The following AK9 variants were observed in gnomAD, a reference collection of about 807,000 sequenced individuals.
AK9 encodes the protein adenylate kinase domain containing 1.
A neutral mutation model predicts 239.6 loss-of-function variants in AK9; 191 were observed. The observed-to-expected ratio is 0.80, with a 90% confidence interval of 0.71 to 0.90. The LOEUF is 0.90. Ranked by LOEUF, AK9 falls within the 40% of genes least tolerant of loss-of-function variation. The pLI is 0.00. For synonymous variants in AK9, 689 were observed against 721.0 expected (o/e 0.96, Z 0.71); for missense variants, 1,995 against 2,214.7 (o/e 0.90, Z 1.99).
intron 5 of AK9, among the ~76,000 whole-genome samples, chr6:109,666,042 CAGA>C (rs1270427024): frequency 6.6e-6 from 1 of 152,144 alleles, no homozygotes; most frequent in African/African-American, 2.4e-5. Flanking sequence ...ATGGAAATGG[CAGA>C]AGAATAAGTA....
At chr6:109,650,011 C>T (rs1798684654) in intron 8 of AK9, among the ~76,000 whole-genome samples, 1 of 152,120 alleles carries the variant, frequency 6.6e-6, no homozygotes, top group Admixed American at 6.6e-5. Flanking sequence ...ATAAATGGTG[C>T]TGGGAAAACT....
chr6:109,650,502 C>A (rs200141168), intron 8 of AK9, among the ~76,000 whole-genome samples: 86,273 of 149,282 alleles, frequency 0.58, 26,608 homozygotes, highest in South Asian at 0.84. Flanking sequence ...ACTGGCCGTC[C>A]AAGAAATGCA....
chr6:109,599,409 G>T (rs1303693700), intron 17 of AK9, among the ~76,000 whole-genome samples: 12 of 152,012 alleles, frequency 7.9e-5, no homozygotes, highest in Admixed American at 7.9e-4. Context: ...ATTTCTGAGG[G>T]CTCTGTTCTG....
At chr6:109,533,499 T>C in intron 27 of AK9, 29 bp from the exon 28 acceptor site, 1 of 1,533,972 alleles carries the variant, frequency 6.5e-7, no homozygotes, top group South Asian at 1.3e-5. Flanking sequence ...ATTTACTTTA[T>C]TTCATTAAAA....
At chr6:109,649,455 G>C (rs1396306651) in intron 8 of AK9, among the ~76,000 whole-genome samples, 1 of 151,802 alleles carries the variant, frequency 6.6e-6, no homozygotes, top group Non-Finnish European at 1.5e-5. Flanking sequence ...ATAACAGAGA[G>C]CCAAATCATG....
chr6:109,538,663 T>G lies in AK9; in HGVS notation c.3350+3384A>C, dbSNP rs1235918653. Among the ~76,000 whole-genome samples the G allele has an allele frequency of 3.9e-5, 6 of 152,028 alleles. 1 individual carries two copies. Among genetic ancestry groups the G allele is most frequent in the African/African-American group, 1.5e-4 (6 of 41,270 alleles). ...TCCTGTCATTATGATATTAGCTGGT[T>G]ATTTTGCTCGTTAGTTGATGCAGTT... On this transcript the variant is annotated intron_variant, in intron 27 of 40. Transcript: ENST00000424296.
chr6:109,578,942 C>T (rs1788471934), intron 20 of AK9, among the ~76,000 whole-genome samples: 1 of 152,070 alleles, frequency 6.6e-6, no homozygotes. Context: ...TGTTTTGTGG[C>T]CTATTATGTG....
At chr6:109,680,827 C>A (rs937901639) in intron 1 of AK9, among the ~76,000 whole-genome samples, 1 of 152,130 alleles carries the variant, frequency 6.6e-6, no homozygotes, top group African/African-American at 2.4e-5. Flanking sequence ...GAATTTTCAA[C>A]GCAGAATTTC....
At position 109,610,396 on chromosome 6, in the gene AK9, T is replaced by A. The variant is rs1219350561; in HGVS notation, c.1811A>T (p.His604Leu). Residue 604 changes from histidine (H) to leucine (L), a missense_variant, in exon 17 of 41, where the codon CAT becomes CTT. His to Leu is a moderately conservative substitution (Grantham distance 99). Around this residue, in one of 5 missense-constraint regions of AK9, gnomAD observed 1,290 missense variants for 1,392.7 expected, o/e 0.93. Transcript: ENST00000424296. ...DINFEQPYEK[H>L]AEILQEVLGE... is the part of the protein sequence containing the mutation. ...AAGGACTTCCTGTAAGATTTCAGCA[T>A]GTTTTTCATATGGCTGTTCAAAGTT... 1 of 1,551,744 alleles carries A rather than the reference T, an allele frequency of 6.4e-7. No individual in the cohort carries two copies. Among genetic ancestry groups the A allele is most frequent in the African/African-American group, 1.4e-5 (1 of 73,164 alleles).
At chr6:109,594,982 T>C (rs1790818562) in intron 17 of AK9, among the ~76,000 whole-genome samples, 1 of 152,102 alleles carries the variant, frequency 6.6e-6, no homozygotes, top group Non-Finnish European at 1.5e-5. Flanking sequence ...CCAAAAGCAA[T>C]TGCAACAAAA....
At chr6:109,510,902 C>G (rs1166684746) in intron 32 of AK9, among the ~76,000 whole-genome samples, 1 of 152,138 alleles carries the variant, frequency 6.6e-6, no homozygotes, top group East Asian at 1.9e-4. Context: ...TAGACTCTGG[C>G]TAATGATATC....
At chr6:109,597,399 G>A (rs891099208) in intron 17 of AK9, among the ~76,000 whole-genome samples, 4 of 151,846 alleles carry the variant, frequency 2.6e-5, no homozygotes, top group African/African-American at 4.8e-5. Context: ...TTTGCCGGGC[G>A]CGGTGGCTCA....
intron 5 of AK9, among the ~76,000 whole-genome samples, chr6:109,667,304 T>C (rs531534330): frequency 6.6e-6 from 1 of 151,702 alleles, no homozygotes; most frequent in African/African-American, 2.4e-5. Context: ...TCAAGTTGTT[T>C]TTTTTTTTAA....
chr6:109,497,438 TA>T (rs1210340083), intron 38 of AK9, 26 bp downstream of exon 38: 1 of 1,441,060 alleles, frequency 6.9e-7, no homozygotes, highest in South Asian at 1.2e-5. Flanking sequence ...AGATTTTCAG[TA>T]AATATTTGTG....
chr6:109,536,377 T>TG (rs1220956987), intron 27 of AK9, among the ~76,000 whole-genome samples: 1 of 152,184 alleles, frequency 6.6e-6, no homozygotes, highest in Non-Finnish European at 1.5e-5. Context: ...CAATTGTGAA[T>TG]GGGAGTTCAC....
At chr6:109,684,664 G>A (rs1408120182) in intron 1 of AK9, among the ~76,000 whole-genome samples, 4 of 148,966 alleles carry the variant, frequency 2.7e-5, no homozygotes, top group Admixed American at 2.0e-4. Context: ...CACGAGGTCA[G>A]GAGATTGAGA....
chr6:109,679,315 C>T (rs1772260605), intron 1 of AK9, among the ~76,000 whole-genome samples: 1 of 151,506 alleles, frequency 6.6e-6, no homozygotes, highest in African/African-American at 2.4e-5. Context: ...TGATTTTCCC[C>T]TCACAGTGTA....
At chr6:109,673,086 G>C (rs1771174672) in intron 3 of AK9, among the ~76,000 whole-genome samples, 1 of 152,182 alleles carries the variant, frequency 6.6e-6, no homozygotes, top group Non-Finnish European at 1.5e-5. Context: ...GCATGACCCA[G>C]GGGAGGACCC....
chr6:109,493,873 C>T, intron 40 of AK9, 108 bp downstream of exon 40: 1 of 828,424 alleles, frequency 1.2e-6, no homozygotes, highest in Non-Finnish European at 1.9e-6. Flanking sequence ...AACACTCTCT[C>T]TTTCTCTCTC....
Sources: gnomAD v4.1 joint callset for allele counts (sites outside exome capture counted in the v4.1 genomes callset) on GRCh38, gnomAD v4.1.1 for gene constraint, gnomAD v4.1.1 regional missense constraint, MANE v1.5 for transcripts, NCBI Gene and HGNC (gene_info 2026-07-23, HGNC 2026-07-21) for gene names.